PLPPR4: variants seen among roughly 807,000 people sequenced by gnomAD.
PLPPR4 encodes phospholipid phosphatase related 4.
PLPPR4 carries 24 observed loss-of-function variants against 56.6 expected under a neutral mutation model. The ratio of observed to expected loss-of-function variants is 0.42; its 90% CI spans 0.31 to 0.60. The LOEUF (loss-of-function observed/expected upper bound fraction) is 0.60, where lower values mean the gene tolerates loss of function less well. Among genes scored for constraint, PLPPR4 ranks in the 20% least tolerant of loss-of-function variants. The pLI is 0.13. For synonymous variants in PLPPR4, 326 were observed against 328.1 expected (o/e 0.99, Z 0.07); for missense variants, 654 against 885.8 (o/e 0.74, Z 3.32).
chr1:99,263,256 G>A (rs1228188767), upstream of PLPPR4, among the ~76,000 whole-genome samples: 1 of 152,082 alleles, frequency 6.6e-6, no homozygotes, highest in Non-Finnish European at 1.5e-5. Flanking sequence ...GCAGAGAATT[G>A]GGTTCAACTA....
intron 5 of PLPPR4, among the ~76,000 whole-genome samples, chr1:99,301,358 T>G (rs886446499): frequency 2.0e-5 from 3 of 151,830 alleles, no homozygotes; most frequent in Non-Finnish European, 4.4e-5. Context: ...AAGTTTTAGG[T>G]CAGTGTAAAT....
intron 2 of PLPPR4, among the ~76,000 whole-genome samples, chr1:99,294,212 A>C (rs1027229635): frequency 6.6e-6 from 1 of 152,130 alleles, no homozygotes; most frequent in Admixed American, 6.5e-5. Flanking sequence ...AAAACTCGTG[A>C]ATGACATTAG....
intron 1 of PLPPR4, among the ~76,000 whole-genome samples, chr1:99,278,564 G>T (rs1394789684): frequency 2.0e-5 from 3 of 152,234 alleles, no homozygotes; most frequent in Non-Finnish European, 4.4e-5. Flanking sequence ...TCAGCCTCAG[G>T]TCTTAGTCTC....
intron 1 of PLPPR4, among the ~76,000 whole-genome samples, chr1:99,283,688 C>G (rs1259488786): frequency 6.6e-6 from 1 of 152,210 alleles, no homozygotes; most frequent in African/African-American, 2.4e-5. Context: ...CGGTGGCTCA[C>G]GCCTGTAATC....
At chr1:99,276,470 T>C (rs1341345597) in intron 1 of PLPPR4, among the ~76,000 whole-genome samples, 2 of 152,136 alleles carry the variant, frequency 1.3e-5, no homozygotes, top group Non-Finnish European at 2.9e-5. Flanking sequence ...CATGAAAACA[T>C]AATTAATTTA....
At chr1:99,288,206 C>T in intron 2 of PLPPR4, 56 bp downstream of exon 2, 2 of 1,493,834 alleles carry the variant, frequency 1.3e-6, no homozygotes, top group Non-Finnish European at 1.8e-6. Flanking sequence ...AAAATCACCA[C>T]ATTTGTATAA....
rs1659755226 is a variant in PLPPR4 at position 99,296,886 on chromosome 1, A to C, written c.394+19A>C. The C allele has an allele frequency of 6.6e-7, 1 of 1,514,416 alleles. No homozygotes were observed. The highest frequency in any genetic ancestry group is 8.9e-7 in the Non-Finnish European group (1 of 1,126,022). The allele number at this position is 1,514,416 out of a possible 1,614,324, so 93.8% of individuals were successfully genotyped here. A position where few individuals can be genotyped will look rare whatever the true frequency, so the allele number is the denominator to read the frequency against. ...TTCGTTGGTGGGTGTGGGGAACCAC[A>C]AAGAAAAGAAATGCTTTTTTTTTTA... On this transcript the variant is annotated intron_variant, in intron 3 of 6. Coordinates refer to ENST00000370185, the MANE Select transcript of PLPPR4 (RefSeq NM_014839.5).
intron 1 of PLPPR4, among the ~76,000 whole-genome samples, chr1:99,273,973 C>A (rs1659120083): frequency 6.6e-6 from 1 of 151,974 alleles, no homozygotes; most frequent in Non-Finnish European, 1.5e-5. Flanking sequence ...CTTAATTGTA[C>A]TTACGTTCAT....
chr1:99,297,455 C>T (rs764867467), intron 3 of PLPPR4, among the ~76,000 whole-genome samples: 1 of 152,126 alleles, frequency 6.6e-6, no homozygotes, highest in Non-Finnish European at 1.5e-5. Flanking sequence ...ATCTCTTCTG[C>T]TTAGCATTGG....
chr1:99,279,564 C>T (rs978717961), intron 1 of PLPPR4, among the ~76,000 whole-genome samples: 9 of 152,138 alleles, frequency 5.9e-5, no homozygotes, highest in African/African-American at 1.9e-4. Context: ...CCTGTTGTTG[C>T]CGTTGAAACC....
chr1:99,285,007 C>A (rs1424009319), intron 1 of PLPPR4, among the ~76,000 whole-genome samples: 2 of 152,106 alleles, frequency 1.3e-5, no homozygotes, highest in African/African-American at 4.8e-5. Flanking sequence ...GAAGAAATTA[C>A]TCTCAAAAGG....
At position 99,299,075 on chromosome 1, in the gene PLPPR4, A is replaced by T. The variant is rs781766966; in HGVS notation, c.435A>T (p.Thr145=). The change falls in exon 4 of 7, where the codon ACA becomes ACT. Residue 145 remains threonine (T), a synonymous_variant. Coordinates refer to ENST00000370185, the MANE Select transcript of PLPPR4 (RefSeq NM_014839.5). The part of the protein sequence containing the change: ...VFGLCSTALI[T]DIIQLSTGYQ... ...GATTATGCTCTACAGCTCTCATTAC[A>T]GATATCATACAGCTGTCCACAGGAT... is the stretch of plus-strand genomic sequence containing the variant. 6.2e-7 allele frequency: 1 copy of T among 1,613,620 alleles called. No homozygotes were observed. Among genetic ancestry groups the T allele is most frequent in the South Asian group, 1.1e-5 (1 of 91,074 alleles).
At chr1:99,274,934 T>G (rs894169788) in intron 1 of PLPPR4, among the ~76,000 whole-genome samples, 1 of 152,184 alleles carries the variant, frequency 6.6e-6, no homozygotes, top group African/African-American at 2.4e-5. Flanking sequence ...ATATTATGCT[T>G]TCTAAAAATG....
intron 6 of PLPPR4, among the ~76,000 whole-genome samples, chr1:99,302,216 T>C (rs1659897591): frequency 6.6e-6 from 1 of 152,050 alleles, no homozygotes; most frequent in Non-Finnish European, 1.5e-5. Flanking sequence ...TTGCCAAAAG[T>C]AAGGTTAGTG....
At chr1:99,298,948 AG>A in intron 3 of PLPPR4, 86 bp from the exon 4 acceptor site, 1 of 910,382 alleles carries the variant, frequency 1.1e-6, no homozygotes, top group South Asian at 1.3e-5. Context: ...ATAGATTTTA[AG>A]ATCTTAATTC....
At chr1:99,273,839 T>C (rs1447020595) in intron 1 of PLPPR4, among the ~76,000 whole-genome samples, 2 of 152,130 alleles carry the variant, frequency 1.3e-5, no homozygotes, top group Admixed American at 1.3e-4. Context: ...TTTTATCAGC[T>C]GGTGGAGACA....
chr1:99,275,181 A>T (rs1659154313), intron 1 of PLPPR4, among the ~76,000 whole-genome samples: 2 of 152,188 alleles, frequency 1.3e-5, no homozygotes, highest in African/African-American at 4.8e-5. Context: ...TCTTCATGGC[A>T]AAACCTGATA....
intron 1 of PLPPR4, among the ~76,000 whole-genome samples, chr1:99,270,044 T>TGTGG (rs1491505013): frequency 7.4e-6 from 1 of 134,836 alleles, no homozygotes; most frequent in African/African-American, 2.7e-5. Context: ...TGTGTGTGTG[T>TGTGG]GGCAGGGTCT....
intron 1 of PLPPR4, among the ~76,000 whole-genome samples, chr1:99,277,307 C>T (rs1275738113): frequency 6.6e-6 from 1 of 152,162 alleles, no homozygotes; most frequent in East Asian, 1.9e-4. Context: ...AAGCTCTACT[C>T]TTGTCTGCAG....
Sources: gnomAD v4.1 joint callset for allele counts (sites outside exome capture counted in the v4.1 genomes callset) on GRCh38, gnomAD v4.1.1 for gene constraint, MANE v1.5 for transcripts, NCBI Gene and HGNC (gene_info 2026-07-23, HGNC 2026-07-21) for gene names.